The following OTUD7B variants were observed in gnomAD, a reference collection of about 807,000 sequenced individuals.
OTUD7B encodes OTU deubiquitinase 7B.
In OTUD7B, 34 loss-of-function variants were observed where a neutral mutation model predicts 82.2. The observed-to-expected ratio is 0.41, with a 90% CI of 0.31 to 0.55. OTUD7B has a LOEUF of 0.55. OTUD7B is among the 20% of genes least tolerant of loss of function. The pLI is 0.20. For synonymous variants in OTUD7B, 398 were observed against 402.7 expected (o/e 0.99, Z 0.14); for missense variants, 944 against 1,062.1 (o/e 0.89, Z 1.55).
chr1:150,004,495 G>A (rs1652524913), intron 1 of OTUD7B, among the ~76,000 whole-genome samples: 1 of 151,918 alleles, frequency 6.6e-6, no homozygotes, highest in Admixed American at 6.6e-5. Flanking sequence ...AGGAGGCGGA[G>A]GTTGCAGTCA....
intron 6 of OTUD7B, chr1:149,962,673 T>G (rs1212438919): frequency 6.6e-6 from 1 of 152,180 alleles, no homozygotes; most frequent in African/African-American, 2.4e-5. Context: ...ACTAATTGCT[T>G]TAATAACTGG....
the OTUD7B span, chr1:150,054,298 C>A: frequency 2.0e-6 from 1 of 489,060 alleles, no homozygotes; most frequent in Non-Finnish European, 4.0e-6. Flanking sequence ...GGATCACTCC[C>A]AAGACCATTC....
At chr1:149,997,497 C>G (rs982636762) in intron 1 of OTUD7B, among the ~76,000 whole-genome samples, 1 of 152,148 alleles carries the variant, frequency 6.6e-6, no homozygotes, top group Admixed American at 6.6e-5. Flanking sequence ...GGCTACTTCA[C>G]CCACAGCTTT....
At chr1:150,002,988 C>G (rs924574534) in intron 1 of OTUD7B, among the ~76,000 whole-genome samples, 1 of 152,158 alleles carries the variant, frequency 6.6e-6, no homozygotes, top group Non-Finnish European at 1.5e-5. Flanking sequence ...TGGTGGCTCT[C>G]GCCTGTAATC....
chr1:150,037,611 A>G, the OTUD7B span, among the ~76,000 whole-genome samples: 1 of 151,980 alleles, frequency 6.6e-6, no homozygotes, highest in African/African-American at 2.4e-5. Flanking sequence ...TATTTTCTAG[A>G]TTGAGTCTTA....
the OTUD7B span, among the ~76,000 whole-genome samples, chr1:150,045,326 T>A: frequency 6.6e-6 from 1 of 152,010 alleles, no homozygotes; most frequent in South Asian, 2.1e-4. Flanking sequence ...ACTCCTGACC[T>A]CTAGTGATCT....
intron 1 of OTUD7B, among the ~76,000 whole-genome samples, chr1:149,982,200 T>A (rs1650801525): frequency 6.6e-6 from 1 of 151,658 alleles, no homozygotes; most frequent in Middle Eastern, 3.2e-3. Flanking sequence ...TTCTTACTCA[T>A]TAATGACAAA....
Position 149,940,274 on chromosome 1 carries a change from A to G in OTUD7B, c.*3583T>C, listed in dbSNP as rs782304726. 6 of 151,282 alleles carry G rather than the reference A, an allele frequency of 4.0e-5. No homozygotes were observed. The highest frequency in any genetic ancestry group is 8.8e-5 in the Non-Finnish European group (6 of 67,886). The allele number at this position is 151,282 out of a possible 1,614,324, so 9.4% of individuals were successfully genotyped here. On this transcript the variant is annotated 3_prime_UTR_variant, in exon 12 of 12. Transcript: ENST00000581312. ...AGGTACTTCCCTTCCACTGCCCTCT[A>G]CAGCACTGAGTTTAACACCATCTCC... is the stretch of plus-strand genomic sequence containing the variant.
At chr1:150,045,094 A>AATTTT in the OTUD7B span, among the ~76,000 whole-genome samples, 3 of 146,496 alleles carry the variant, frequency 2.0e-5, no homozygotes, top group Non-Finnish European at 3.0e-5. Context: ...CTTAAACTAA[A>AATTTT]TTTTTTTTTT....
At chr1:149,950,325 G>T in intron 7 of OTUD7B, 104 bp from the exon 8 acceptor site, 2 of 1,147,266 alleles carry the variant, frequency 1.7e-6, no homozygotes, top group Non-Finnish European at 2.4e-6. Context: ...AAAGAAGAAT[G>T]TCCTTTCCTG....
intron 1 of OTUD7B, among the ~76,000 whole-genome samples, chr1:150,004,233 C>T (rs782341560): frequency 6.6e-6 from 1 of 152,122 alleles, no homozygotes; most frequent in Non-Finnish European, 1.5e-5. Context: ...TATCATCATA[C>T]TGCTATTCTA....
the OTUD7B span, chr1:150,054,472 CA>C: frequency 2.0e-6 from 1 of 511,704 alleles, no homozygotes. Flanking sequence ...TTGATATCAG[CA>C]ATGTAAAAAT....
chr1:150,009,956 AACAC>A (rs368706358), intron 1 of OTUD7B, among the ~76,000 whole-genome samples: 1,941 of 151,070 alleles, frequency 0.013, 46 homozygotes, highest in African/African-American at 0.045. Context: ...CACACACACA[AACAC>A]ACACACACAC....
intron 3 of OTUD7B, 67 bp from the exon 4 acceptor site, chr1:149,967,588 G>T: frequency 8.3e-7 from 1 of 1,208,486 alleles, no homozygotes; most frequent in Non-Finnish European, 1.2e-6. Flanking sequence ...CACTGATGTG[G>T]TGATAGTTAC....
Position 149,944,330 on chromosome 1 carries a change from C to T in OTUD7B, c.2059G>A (p.Ala687Thr), listed in dbSNP as rs782018382. Residue 687 changes from alanine (A) to threonine (T), a missense_variant, in exon 12 of 12, where the codon GCA becomes ACA. Physicochemically the swap from Ala to Thr is moderately conservative, Grantham distance 58. Around this residue, in one of 3 missense-constraint regions of OTUD7B, gnomAD observed 412 missense variants for 418.7 expected, o/e 0.98. Transcript: ENST00000581312. ...TCCCCAGGGTAGCCAGTGGAAAATG[C>T]CATTGCCCTGGACTCTGCTGGGGGA... ...TGPPAESRAM[A>T]FSTGYPGDFT... The T allele has an allele frequency of 3.7e-6, 6 of 1,611,322 alleles. No individual in the cohort carries two copies. Among genetic ancestry groups the T allele is most frequent in the Non-Finnish European group, 5.1e-6 (6 of 1,178,354 alleles).
intron 1 of OTUD7B, among the ~76,000 whole-genome samples, chr1:149,980,870 A>C (rs1258577824): frequency 6.6e-6 from 1 of 151,866 alleles, no homozygotes; most frequent in Non-Finnish European, 1.5e-5. Context: ...TAAACTAATT[A>C]AGCATGGTCG....
At chr1:149,958,309 C>T (rs1648864100) in intron 7 of OTUD7B, among the ~76,000 whole-genome samples, 1 of 129,854 alleles carries the variant, frequency 7.7e-6, no homozygotes, top group Admixed American at 7.9e-5. Context: ...TCTCTAAAAA[C>T]ATAAAGGACT....
Position 149,939,616 on chromosome 1 carries a change from G to C in OTUD7B, c.*4241C>G, listed in dbSNP as rs184247760. The C allele has an allele frequency of 6.6e-6, 1 of 152,124 alleles. No individual in the cohort carries two copies. The highest frequency in any genetic ancestry group is 1.5e-5 in the Non-Finnish European group (1 of 68,044). 9.4% of individuals were successfully genotyped at this position (152,124 alleles called of 1,614,324 possible). ...TTCTCACCTGTGGCTATATGTCTGG[G>C]GCACTGACTCATTGGAGAAGGAAGA... On this transcript the variant is annotated 3_prime_UTR_variant, in exon 12 of 12. Coordinates refer to ENST00000581312, the MANE Select transcript of OTUD7B (RefSeq NM_020205.4).
intron 1 of OTUD7B, among the ~76,000 whole-genome samples, chr1:149,993,424 A>G (rs1651729909): frequency 2.0e-5 from 3 of 152,210 alleles, no homozygotes; most frequent in African/African-American, 7.2e-5. Context: ...AAGTTCATCT[A>G]ATGGACTGGT....
Sources: gnomAD v4.1 joint callset for allele counts (sites outside exome capture counted in the v4.1 genomes callset) on GRCh38, gnomAD v4.1.1 for gene constraint, gnomAD v4.1.1 regional missense constraint, MANE v1.5 for transcripts, NCBI Gene and HGNC (gene_info 2026-07-23, HGNC 2026-07-21) for gene names.